The following KIRREL3 variants were observed in gnomAD, a reference collection of about 807,000 sequenced individuals.
KIRREL3 encodes kirre like nephrin family adhesion molecule 3, also known as kin of IRRE-like protein 3.
KIRREL3 carries 36 observed loss-of-function variants against 89.7 expected under a neutral mutation model. The observed-to-expected ratio is 0.40, with a 90% CI of 0.31 to 0.53. The LOEUF (loss-of-function observed/expected upper bound fraction) is 0.53, where lower values mean the gene tolerates loss of function less well. Among genes scored for constraint, KIRREL3 ranks in the 20% least tolerant of loss-of-function variants. The pLI is 0.49. For synonymous variants in KIRREL3, 445 were observed against 441.4 expected (o/e 1.01, Z -0.10); for missense variants, 864 against 1,056.6 (o/e 0.82, Z 2.53).
chr11:126,696,850 C>A lies in KIRREL3; in HGVS notation c.56-133938G>T, dbSNP rs1380884183. ...GAATGAGGTTGACTAGCGCTTACAT[C>A]CAGACACTACTGTACCACTTGCTTT... is the stretch of plus-strand genomic sequence containing the variant. On this transcript the variant is annotated intron_variant, in intron 1 of 16. Coordinates refer to ENST00000525144, the MANE Select transcript of KIRREL3 (RefSeq NM_032531.4). The surrounding 1 kb of genome is among the most constrained non-coding windows in gnomAD (Gnocchi z 4.4). Among the ~76,000 whole-genome samples, 1 of 152,184 alleles carries A rather than the reference C, an allele frequency of 6.6e-6. No individual in the cohort carries two copies. Among genetic ancestry groups the A allele is most frequent in the Non-Finnish European group, 1.5e-5 (1 of 68,036 alleles).
rs1565651740 is a variant in KIRREL3 at position 126,689,045 on chromosome 11, AG to A, written c.56-126134del. ...TGTGTGTGTGTAAGGGGGAGAGAAGAGAGAGAGAGAGAGAGAGAGAGAGAGA... is the reference window on the plus strand; with the variant it reads ...TGTGTGTGTGTAAGGGGGAGAGAAGAAGAGAGAGAGAGAGAGAGAGAGAGA... On this transcript the variant is annotated intron_variant, in intron 1 of 16. Coordinates refer to ENST00000525144, the MANE Select transcript of KIRREL3 (RefSeq NM_032531.4). This position sits in a 1 kb window ranked among gnomAD's most constrained non-coding sequence, Gnocchi z 5.2. 7.4e-5 allele frequency among the ~76,000 whole-genome samples: 8 copies of A among 108,318 alleles called. No individual in the cohort carries two copies. Among genetic ancestry groups the A allele is most frequent in the African/African-American group, 3.1e-4 (7 of 22,796 alleles). The allele number at this position is 108,318 out of a possible 152,430, so 71.1% of individuals were successfully genotyped here.
At position 126,651,777 on chromosome 11, in the gene KIRREL3, A is replaced by G. The variant is rs144558316; in HGVS notation, c.56-88865T>C. ...TTGTACTTGTACAAGGTCTTGAAAC[A>G]CATATTAGGAATGATTATACCAGAG... On this transcript the variant is annotated intron_variant, in intron 1 of 16. Transcript: ENST00000525144. This position sits in a 1 kb window ranked among gnomAD's most constrained non-coding sequence, Gnocchi z 4.6. Among the ~76,000 whole-genome samples the G allele has an allele frequency of 4.0e-3, 609 of 152,350 alleles. 4 individuals carry two copies. Among genetic ancestry groups the G allele is most frequent in the African/African-American group, 0.014 (579 of 41,582 alleles).
chr11:126,577,332 CAG>C (rs1429531871), intron 1 of KIRREL3, among the ~76,000 whole-genome samples: 1 of 151,892 alleles, frequency 6.6e-6, no homozygotes, highest in Non-Finnish European at 1.5e-5. Flanking sequence ...TGGGTGGGGG[CAG>C]AGACAAAACC....
At position 126,430,967 on chromosome 11, in the gene KIRREL3, T is replaced by C; in HGVS notation, c.1696+452A>G. ...AAGTTTTCTCAAAGCAATTCCTTTA[T>C]TGCTTCCCCACCCACTCCCCCACAG... On this transcript the variant is annotated intron_variant, in intron 14 of 16. Coordinates refer to ENST00000525144, the MANE Select transcript of KIRREL3 (RefSeq NM_032531.4). This position sits in a 1 kb window ranked among gnomAD's most constrained non-coding sequence, Gnocchi z 6.6. 1 of 1,065,554 alleles carries C rather than the reference T, an allele frequency of 9.4e-7. No individual in the cohort carries two copies. The highest frequency in any genetic ancestry group is 1.1e-6 in the Non-Finnish European group (1 of 881,576). 66.0% of individuals were successfully genotyped at this position (1,065,554 alleles called of 1,614,324 possible).
At chr11:126,735,865 A>T (rs10431048) in intron 1 of KIRREL3, among the ~76,000 whole-genome samples, 65,296 of 152,026 alleles carry the variant, frequency 0.43, 15,343 homozygotes, top group East Asian at 0.89. Flanking sequence ...CTTAATTTAA[A>T]GGCAAAAATA....
At position 126,917,652 on chromosome 11, in the gene KIRREL3, C is replaced by T. The variant is rs544569930; in HGVS notation, c.55+82803G>A. 2.0e-4 allele frequency among the ~76,000 whole-genome samples: 30 copies of T among 152,150 alleles called. No individual in the cohort carries two copies. The highest frequency in any genetic ancestry group is 6.5e-4 in the African/African-American group (27 of 41,512). ...TCTGGTTTCTAGTATGAGTTGCTTC[C>T]ACTCATACTAGAAACCATATATGTA... is the stretch of plus-strand genomic sequence containing the variant. On this transcript the variant is annotated intron_variant, in intron 1 of 16. Coordinates refer to ENST00000525144, the MANE Select transcript of KIRREL3 (RefSeq NM_032531.4). The surrounding 1 kb of genome is among the most constrained non-coding windows in gnomAD (Gnocchi z 5.0).
chr11:126,747,001 A>G lies in KIRREL3; in HGVS notation c.56-184089T>C, dbSNP rs775586958. 2.2e-4 allele frequency among the ~76,000 whole-genome samples: 33 copies of G among 152,190 alleles called. No individual in the cohort carries two copies. Among genetic ancestry groups the G allele is most frequent in the Non-Finnish European group, 3.7e-4 (25 of 68,038 alleles). On this transcript the variant is annotated intron_variant, in intron 1 of 16. Transcript: ENST00000525144. The surrounding 1 kb of genome is among the most constrained non-coding windows in gnomAD (Gnocchi z 4.7). ...GTTCTAATTAGTGCTGGCTGCTTCC[A>G]GGGTATATTCTGAAGCATAGACATG...
intron 6 of KIRREL3, among the ~76,000 whole-genome samples, chr11:126,457,594 A>G (rs1043374965): frequency 3.3e-5 from 5 of 152,048 alleles, no homozygotes; most frequent in Admixed American, 6.6e-5. Flanking sequence ...GGGCAGAGAG[A>G]CAGAAAGACA....
At chr11:126,681,231 A>G (rs1458514834) in intron 1 of KIRREL3, among the ~76,000 whole-genome samples, 1 of 152,190 alleles carries the variant, frequency 6.6e-6, no homozygotes, top group Non-Finnish European at 1.5e-5. Flanking sequence ...CCTAGGGTCT[A>G]AGACCAGAAG....
In KIRREL3 at chr11:126,850,656, C is replaced by A. The variant is rs1458699920; in HGVS notation, c.55+149799G>T. Reference sequence around the variant, plus strand: ...GAGTGGCAGCCATCTTTGCTGCCAACAGAGGAAGACTTTACCAGGAACTTC... The same window carrying A: ...GAGTGGCAGCCATCTTTGCTGCCAAAAGAGGAAGACTTTACCAGGAACTTC... On this transcript the variant is annotated intron_variant, in intron 1 of 16. Transcript: ENST00000525144. 2.0e-5 allele frequency among the ~76,000 whole-genome samples: 3 copies of A among 152,180 alleles called. 1 individual carries two copies. The South Asian group carries it at 6.2e-4, about 32-fold the overall frequency.
intron 12 of KIRREL3, 122 bp from the exon 13 acceptor site, chr11:126,435,425 G>T: frequency 1.0e-6 from 1 of 980,156 alleles, no homozygotes; most frequent in Non-Finnish European, 1.6e-6. Flanking sequence ...ATGTCTCTGG[G>T]ACCCCCCAAC....
chr11:126,608,927 TG>T lies in KIRREL3; in HGVS notation c.56-46016del, dbSNP rs1943005246. Among the ~76,000 whole-genome samples the T allele has an allele frequency of 6.6e-6, 1 of 152,144 alleles. No individual in the cohort carries two copies. Among genetic ancestry groups the T allele is most frequent in the African/African-American group, 2.4e-5 (1 of 41,410 alleles). ...CTGGAGCCCAGCTTGCTGTTAGCCC[TG>T]AGAAACAAGTGACTTCCTGTGGGTC... is the stretch of plus-strand genomic sequence containing the variant. On this transcript the variant is annotated intron_variant, in intron 1 of 16. Coordinates refer to ENST00000525144, the MANE Select transcript of KIRREL3 (RefSeq NM_032531.4). This position sits in a 1 kb window ranked among gnomAD's most constrained non-coding sequence, Gnocchi z 4.9.
At chr11:126,753,399 G>A (rs1008854844) in intron 1 of KIRREL3, among the ~76,000 whole-genome samples, 4 of 152,216 alleles carry the variant, frequency 2.6e-5, no homozygotes, top group African/African-American at 4.8e-5. Context: ...CTACTGGGAT[G>A]TAGACGGCCC....
rs1392057663 is a variant in KIRREL3 at position 126,729,299 on chromosome 11, T to C, written c.56-166387A>G. ...GGCTTAACAACAAATCTAATTCTTT[T>C]AGGGAAAAGAGGTAGTGCATGGATA... is the stretch of plus-strand genomic sequence containing the variant. On this transcript the variant is annotated intron_variant, in intron 1 of 16. Coordinates refer to ENST00000525144, the MANE Select transcript of KIRREL3 (RefSeq NM_032531.4). This position sits in a 1 kb window ranked among gnomAD's most constrained non-coding sequence, Gnocchi z 4.5. Among the ~76,000 whole-genome samples, 1 of 152,282 alleles carries C rather than the reference T, an allele frequency of 6.6e-6. No individual in the cohort carries two copies. The highest frequency in any genetic ancestry group is 2.1e-4 in the South Asian group (1 of 4,820).
chr11:126,714,022 A>G (rs1267526391), intron 1 of KIRREL3, among the ~76,000 whole-genome samples: 1 of 152,074 alleles, frequency 6.6e-6, no homozygotes, highest in African/African-American at 2.4e-5. Flanking sequence ...CTGCATTCGT[A>G]TTGGGTAGAG....
At chr11:126,701,851 C>A (rs1047561152) in intron 1 of KIRREL3, among the ~76,000 whole-genome samples, 1 of 152,154 alleles carries the variant, frequency 6.6e-6, no homozygotes, top group Non-Finnish European at 1.5e-5. Context: ...ACAACCATCC[C>A]ACAGAGGTGC....
intron 1 of KIRREL3, among the ~76,000 whole-genome samples, chr11:126,659,772 C>T (rs1945310991): frequency 6.6e-6 from 1 of 152,206 alleles, no homozygotes. Context: ...ATGCCCCAGA[C>T]AACTGAACTG....
rs1949675430 is a variant in KIRREL3 at position 126,979,805 on chromosome 11, G to A, written c.55+20650C>T. Reference sequence around the variant, plus strand: ...CGTCAGCATCTTTTCAAGAAAACCAGGTGCTCTTAGAGGGTGCAAGGGCTG... The same window carrying A: ...CGTCAGCATCTTTTCAAGAAAACCAAGTGCTCTTAGAGGGTGCAAGGGCTG... On this transcript the variant is annotated intron_variant, in intron 1 of 16. Transcript: ENST00000525144. 2.6e-5 allele frequency among the ~76,000 whole-genome samples: 4 copies of A among 152,330 alleles called. No individual in the cohort carries two copies. The South Asian group carries it at 8.3e-4, about 32-fold the overall frequency.
intron 1 of KIRREL3, among the ~76,000 whole-genome samples, chr11:126,824,627 G>T (rs1592181127): frequency 6.6e-6 from 1 of 152,318 alleles, no homozygotes; most frequent in East Asian, 1.9e-4. Context: ...AAAAGGTGTG[G>T]GTAAATCAGA....
Sources: allele counts gnomAD v4.1 joint callset (sites outside exome capture counted in the v4.1 genomes callset), GRCh38; gene constraint gnomAD v4.1.1; non-coding constraint Gnocchi (gnomAD v3.1); transcripts MANE v1.5; gene names NCBI Gene and HGNC (gene_info 2026-07-23, HGNC 2026-07-21).